SHC4: variants seen among roughly 807,000 people sequenced by gnomAD.
SHC4 encodes SHC adaptor protein 4.
SHC4 carries 41 observed loss-of-function variants against 69.4 expected under a neutral mutation model. That is an observed-to-expected ratio of 0.59 (90% confidence interval 0.46 to 0.77). The LOEUF is 0.77. Ranked by LOEUF, SHC4 falls within the 30% of genes least tolerant of loss-of-function variation. SHC4 has a pLI of 0.00. For synonymous variants in SHC4, 318 were observed against 299.3 expected (o/e 1.06, Z -0.64); for missense variants, 777 against 783.8 (o/e 0.99, Z 0.10).
At chr15:48,894,936 G>A (rs569528315) in intron 2 of SHC4, among the ~76,000 whole-genome samples, 1 of 151,896 alleles carries the variant, frequency 6.6e-6, no homozygotes, top group Non-Finnish European at 1.5e-5. Flanking sequence ...ACTACAACTG[G>A]CAAAAACCGC....
intron 6 of SHC4, among the ~76,000 whole-genome samples, chr15:48,862,206 T>G (rs1899460427): frequency 6.6e-6 from 1 of 151,914 alleles, no homozygotes; most frequent in Non-Finnish European, 1.5e-5. Context: ...GTTTTTTTTT[T>G]TTTAACTTTC....
intron 10 of SHC4, among the ~76,000 whole-genome samples, chr15:48,835,536 T>C (rs1230486001): frequency 1.3e-5 from 2 of 152,190 alleles, no homozygotes; most frequent in African/African-American, 4.8e-5. Flanking sequence ...ACCCAAAACT[T>C]CAAAACTTTG....
intron 10 of SHC4, among the ~76,000 whole-genome samples, chr15:48,840,599 G>A (rs1236123370): frequency 6.6e-6 from 1 of 152,122 alleles, no homozygotes; most frequent in Non-Finnish European, 1.5e-5. Context: ...GAAGGTTAAA[G>A]GTGCAGTTAA....
At position 48,963,334 on chromosome 15, in the gene SHC4, G is replaced by A; in HGVS notation, c.-319C>T. The A allele has an allele frequency of 3.2e-6, 1 of 312,126 alleles. No individual in the cohort carries two copies. Among genetic ancestry groups the A allele is most frequent in the Non-Finnish European group, 5.9e-6 (1 of 169,182 alleles). The allele number at this position is 312,126 out of a possible 1,614,324, so 19.3% of individuals were successfully genotyped here. On this transcript the variant is annotated 5_prime_UTR_variant, in exon 1 of 12. Transcript: ENST00000332408. ...GGTCGCTCACGGCCAACTCTTAGGCGCAGAACCCGGGCGAGCGCCGGTCGG... is the reference window on the plus strand; with the variant it reads ...GGTCGCTCACGGCCAACTCTTAGGCACAGAACCCGGGCGAGCGCCGGTCGG...
At chr15:48,911,908 A>C (rs1050592038) in intron 2 of SHC4, among the ~76,000 whole-genome samples, 1 of 152,196 alleles carries the variant, frequency 6.6e-6, no homozygotes, top group East Asian at 1.9e-4. Flanking sequence ...TTGTTTGAGG[A>C]GGCTGAAGAT....
intron 1 of SHC4, among the ~76,000 whole-genome samples, chr15:48,949,132 G>A (rs1901324988): frequency 6.6e-6 from 1 of 152,156 alleles, no homozygotes. Flanking sequence ...AGCACTTTGG[G>A]AGGCTGAGGC....
Position 48,883,356 on chromosome 15 carries a change from A to C in SHC4, c.840+892T>G, listed in dbSNP as rs76789644. Reference sequence around the variant, plus strand: ...GATGAGGAAAACTGAAGCCCAGAGTAGTAGAGTCATTTGCTAGTAAGTGGC... The same window carrying C: ...GATGAGGAAAACTGAAGCCCAGAGTCGTAGAGTCATTTGCTAGTAAGTGGC... On this transcript the variant is annotated intron_variant, in intron 4 of 11. Coordinates refer to ENST00000332408, the MANE Select transcript of SHC4 (RefSeq NM_203349.4). 1.1e-3 allele frequency among the ~76,000 whole-genome samples: 167 copies of C among 152,334 alleles called. 1 individual carries two copies. The highest frequency in any genetic ancestry group is 3.8e-3 in the African/African-American group (160 of 41,578).
intron 8 of SHC4, among the ~76,000 whole-genome samples, chr15:48,854,918 C>T (rs12909029): frequency 0.2 from 30,803 of 152,034 alleles, 3,587 homozygotes; most frequent in Non-Finnish European, 0.27. Context: ...CAGCATCATG[C>T]GATATGTTGA....
intron 10 of SHC4, among the ~76,000 whole-genome samples, chr15:48,837,956 A>G (rs1898928205): frequency 6.6e-6 from 1 of 152,252 alleles, no homozygotes; most frequent in African/African-American, 2.4e-5. Context: ...TATGAACTAT[A>G]AAGATGGCAC....
At chr15:48,952,320 G>A (rs1374010727) in intron 1 of SHC4, among the ~76,000 whole-genome samples, 2 of 152,114 alleles carry the variant, frequency 1.3e-5, no homozygotes, top group Non-Finnish European at 2.9e-5. Flanking sequence ...CCTCTAACTA[G>A]AGGAAGTTTT....
chr15:48,878,569 C>T, intron 4 of SHC4: 2 of 1,614,056 alleles, frequency 1.2e-6, no homozygotes, highest in Non-Finnish European at 1.7e-6. Flanking sequence ...TTGAAGAAGC[C>T]GACAAGATGT....
Position 48,872,198 on chromosome 15 carries a change from A to G in SHC4, c.841-56T>C, listed in dbSNP as rs554181211. ...AATTAATTGTTATTTCTAGTTATAT[A>G]CAGTCTAACAGTAATAGACATACAT... is the stretch of plus-strand genomic sequence containing the variant. On this transcript the variant is annotated intron_variant, in intron 4 of 11. Coordinates refer to ENST00000332408, the MANE Select transcript of SHC4 (RefSeq NM_203349.4). The G allele has an allele frequency of 4.8e-6, 5 of 1,038,570 alleles. 1 individual carries two copies. In the South Asian group the frequency reaches 7.6e-5, roughly 16 times the overall value. 64.3% of individuals were successfully genotyped at this position (1,038,570 alleles called of 1,614,324 possible).
At chr15:48,937,535 T>C (rs1195084290) in intron 1 of SHC4, among the ~76,000 whole-genome samples, 1 of 152,142 alleles carries the variant, frequency 6.6e-6, no homozygotes, top group Non-Finnish European at 1.5e-5. Flanking sequence ...GGGAGACTCA[T>C]GCCTTGCATA....
chr15:48,885,644 T>C (rs1408553311), intron 3 of SHC4, among the ~76,000 whole-genome samples: 3 of 152,214 alleles, frequency 2.0e-5, no homozygotes, highest in Non-Finnish European at 4.4e-5. Flanking sequence ...CTAGTTTTGC[T>C]TTTATATTAC....
chr15:48,926,346 C>T (rs1900853406), intron 1 of SHC4, among the ~76,000 whole-genome samples: 1 of 152,078 alleles, frequency 6.6e-6, no homozygotes, highest in Admixed American at 6.5e-5. Context: ...GTTTAGCTTT[C>T]CTTTGGAGGC....
chr15:48,927,785 T>C (rs547248097), intron 1 of SHC4, among the ~76,000 whole-genome samples: 1 of 152,200 alleles, frequency 6.6e-6, no homozygotes, highest in African/African-American at 2.4e-5. Flanking sequence ...TTCTCATCTT[T>C]CAGGTTTCAG....
At chr15:48,890,428 G>A (rs1900115579) in intron 3 of SHC4, among the ~76,000 whole-genome samples, 1 of 152,206 alleles carries the variant, frequency 6.6e-6, no homozygotes, top group Admixed American at 6.5e-5. Flanking sequence ...AACTCCACAG[G>A]AAATAAGAAC....
At chr15:48,948,341 T>C (rs750060478) in intron 1 of SHC4, among the ~76,000 whole-genome samples, 2 of 152,136 alleles carry the variant, frequency 1.3e-5, no homozygotes, top group Non-Finnish European at 2.9e-5. Flanking sequence ...ATGACAAAAA[T>C]AGGAAACGCA....
chr15:48,890,349 T>A (rs932927166), intron 3 of SHC4, among the ~76,000 whole-genome samples: 2 of 152,210 alleles, frequency 1.3e-5, no homozygotes, highest in Non-Finnish European at 2.9e-5. Flanking sequence ...AATGTTATAA[T>A]GCAGAATACA....
Sources: allele counts gnomAD v4.1 joint callset (sites outside exome capture counted in the v4.1 genomes callset), GRCh38; gene constraint gnomAD v4.1.1; transcripts MANE v1.5; gene names NCBI Gene and HGNC (gene_info 2026-07-23, HGNC 2026-07-21).